CASZ1: variants seen among roughly 807,000 people sequenced by gnomAD.
The protein encoded by CASZ1 is zinc finger protein castor homolog 1.
In CASZ1, 28 loss-of-function variants were observed where a neutral mutation model predicts 135.2. That is an observed-to-expected ratio of 0.21 (90% CI 0.15 to 0.28). The LOEUF (loss-of-function observed/expected upper bound fraction) is 0.28, where lower values mean the gene tolerates loss of function less well. Ranked by LOEUF, CASZ1 falls within the 10% of genes least tolerant of loss-of-function variation. The pLI, the probability that CASZ1 is intolerant of heterozygous loss-of-function variation, is 1.00. For missense variants in CASZ1, 2,161 were observed against 2,453.3 expected (o/e 0.88, Z 2.52); for synonymous variants, 1,068 against 1,073.4 (o/e 0.99, Z 0.10).
At chr1:10,763,465 G>A (rs1640416429) in intron 1 of CASZ1, among the ~76,000 whole-genome samples, 1 of 152,166 alleles carries the variant, frequency 6.6e-6, no homozygotes, top group East Asian at 1.9e-4. Context: ...GGATGGACAA[G>A]AGGCGTGAAA....
chr1:10,661,466 TCA>T (rs377144529), intron 5 of CASZ1: 3 of 148,360 alleles, frequency 2.0e-5, no homozygotes, highest in Non-Finnish European at 4.5e-5. Flanking sequence ...ACATGCATTC[TCA>T]CACACACACA....
chr1:10,655,307 G>C (rs1173932553), intron 9 of CASZ1, among the ~76,000 whole-genome samples: 1 of 152,192 alleles, frequency 6.6e-6, no homozygotes, highest in African/African-American at 2.4e-5. Context: ...TTAAAACAAA[G>C]AATTAAACAA....
At chr1:10,641,332 A>C (rs1642193535) in intron 20 of CASZ1, among the ~76,000 whole-genome samples, 2 of 152,086 alleles carry the variant, frequency 1.3e-5, no homozygotes, top group African/African-American at 4.8e-5. Context: ...GAGGAGGGGG[A>C]GGCTCGGCCC....
At chr1:10,770,398 T>C (rs1640553788) in intron 1 of CASZ1, among the ~76,000 whole-genome samples, 1 of 152,134 alleles carries the variant, frequency 6.6e-6, no homozygotes, top group Non-Finnish European at 1.5e-5. Flanking sequence ...ATTATTTTCT[T>C]TATACTTTTT....
At position 10,755,622 on chromosome 1, in the gene CASZ1, TGCATCTGCTCCGAAG is replaced by T. The variant is rs1640238732; in HGVS notation, c.-77+5064_-77+5078del. Among the ~76,000 whole-genome samples the T allele has an allele frequency of 6.6e-6, 1 of 152,052 alleles. No individual in the cohort carries two copies. The highest frequency in any genetic ancestry group is 1.5e-5 in the Non-Finnish European group (1 of 67,984). On this transcript the variant is annotated intron_variant, in intron 2 of 20. Transcript: ENST00000377022. This position sits in a 1 kb window ranked among gnomAD's most constrained non-coding sequence, Gnocchi z 4.3. ...TGCATGGCGAGATGCGGGGTTTTCCTGCATCTGCTCCGAAGGCAGGGGGTGTGGGGAGAACGGAGG... is the reference window on the plus strand; with the variant it reads ...TGCATGGCGAGATGCGGGGTTTTCCTGCAGGGGGTGTGGGGAGAACGGAGG...
Position 10,639,702 on chromosome 1 carries a change from G to A in CASZ1, c.4520C>T (p.Pro1507Leu), listed in dbSNP as rs1392109597. 5.0e-6 allele frequency: 8 copies of A among 1,595,798 alleles called. No individual in the cohort carries two copies. The highest frequency in any genetic ancestry group is 6.8e-6 in the Non-Finnish European group (8 of 1,172,438). Residue 1507 changes from proline to leucine, a missense_variant, in exon 21 of 21, where the codon CCC becomes CTC. Pro to Leu is a moderately conservative substitution (Grantham distance 98). Coordinates refer to ENST00000377022, the MANE Select transcript of CASZ1 (RefSeq NM_001079843.3). This position sits in a 1 kb window ranked among gnomAD's most constrained non-coding sequence, Gnocchi z 4.0. Reference sequence around the variant, plus strand: ...GAAGTGCGTGCTGGTGCCCGAGAAGGGGCAGTCGGCGAAGTGGCAGCTGAG... The same window carrying A: ...GAAGTGCGTGCTGGTGCCCGAGAAGAGGCAGTCGGCGAAGTGGCAGCTGAG... ...ASLSCHFADC[P>L]FSGTSTHFHC...
intron 4 of CASZ1, among the ~76,000 whole-genome samples, chr1:10,681,031 G>A (rs1490984338): frequency 3.9e-5 from 6 of 152,096 alleles, no homozygotes; most frequent in Admixed American, 2.6e-4. Flanking sequence ...CTCCCAAGTC[G>A]CTGGGATTAC....
Position 10,711,887 on chromosome 1 carries a change from C to G in CASZ1, c.-76-6343G>C. 6.6e-6 allele frequency among the ~76,000 whole-genome samples: 1 copy of G among 152,270 alleles called. No individual in the cohort carries two copies. The highest frequency in any genetic ancestry group is 1.5e-5 in the Non-Finnish European group (1 of 68,004). ...GGAATATCCGGAACAGGCAAATCCACAGAGACAGAAAGCAGTGGTTGCCAG... is the reference window on the plus strand; with the variant it reads ...GGAATATCCGGAACAGGCAAATCCAGAGAGACAGAAAGCAGTGGTTGCCAG... On this transcript the variant is annotated intron_variant, in intron 2 of 20. Transcript: ENST00000377022. The surrounding 1 kb of genome is among the most constrained non-coding windows in gnomAD (Gnocchi z 4.4).
chr1:10,788,451 A>G lies in CASZ1; in HGVS notation c.-234+8113T>C, dbSNP rs1434141964. On this transcript the variant is annotated intron_variant, in intron 1 of 20. Coordinates refer to ENST00000377022, the MANE Select transcript of CASZ1 (RefSeq NM_001079843.3). This position sits in a 1 kb window ranked among gnomAD's most constrained non-coding sequence, Gnocchi z 4.1. ...GCAGGGGGCCCTAGAGGGTCCTTAG[A>G]CTGCATTTATAAGATCTGCGAAACC... 6.6e-6 allele frequency among the ~76,000 whole-genome samples: 1 copy of G among 152,094 alleles called. No individual in the cohort carries two copies. The highest frequency in any genetic ancestry group is 1.9e-4 in the East Asian group (1 of 5,186).
intron 1 of CASZ1, among the ~76,000 whole-genome samples, chr1:10,787,437 C>T (rs1002530087): frequency 4.6e-5 from 7 of 152,230 alleles, no homozygotes; most frequent in Non-Finnish European, 8.8e-5. Flanking sequence ...CCGAAATTCC[C>T]GAAGGAGCTG....
At chr1:10,688,236 C>T (rs1247130411) in intron 4 of CASZ1, among the ~76,000 whole-genome samples, 2 of 152,162 alleles carry the variant, frequency 1.3e-5, no homozygotes, top group African/African-American at 2.4e-5. Context: ...CAGGTCTACC[C>T]GGAGCCCCAG....
At chr1:10,689,745 T>C (rs1043558752) in intron 4 of CASZ1, among the ~76,000 whole-genome samples, 7 of 152,182 alleles carry the variant, frequency 4.6e-5, no homozygotes, top group Admixed American at 3.9e-4. Context: ...CCAAATAATG[T>C]GCTCCTCACC....
chr1:10,672,477 C>T (rs577325975), intron 4 of CASZ1, among the ~76,000 whole-genome samples: 246 of 151,548 alleles, frequency 1.6e-3, no homozygotes, highest in African/African-American at 5.4e-3. Context: ...TCCAGCCCTC[C>T]GCCCGCCGGC....
intron 1 of CASZ1, among the ~76,000 whole-genome samples, chr1:10,795,647 C>T (rs1263583234): frequency 6.6e-6 from 1 of 152,240 alleles, no homozygotes; most frequent in South Asian, 2.1e-4. Flanking sequence ...AGCCGGGCAG[C>T]TCTGGGCCGA....
In CASZ1 at chr1:10,653,890, C is replaced by G; in HGVS notation, c.2167G>C (p.Asp723His). 5.0e-6 allele frequency: 8 copies of G among 1,613,392 alleles called. No individual in the cohort carries two copies. Among genetic ancestry groups the G allele is most frequent in the Non-Finnish European group, 6.8e-6 (8 of 1,179,642 alleles). ...AGGGCGGAGAAGTCAACAAGGTCGT[C>G]GTTGCTGGACTCCTCGTGCTCCGTG... is the stretch of plus-strand genomic sequence containing the variant. Reference protein sequence around the residue: ...KDTEHEESSNDDLVDFSALSS... With the variant: ...KDTEHEESSNHDLVDFSALSS... Residue 723 changes from aspartate to histidine, a missense_variant, in exon 11 of 21, where the codon GAC (aspartate) becomes CAC (histidine). Physicochemically the swap from Asp to His is moderately conservative, Grantham distance 81 (BLOSUM62 -1). Coordinates refer to ENST00000377022, the MANE Select transcript of CASZ1 (RefSeq NM_001079843.3).
intron 2 of CASZ1, among the ~76,000 whole-genome samples, chr1:10,745,222 G>C (rs1640016953): frequency 6.6e-6 from 1 of 152,044 alleles, no homozygotes; most frequent in Non-Finnish European, 1.5e-5. Flanking sequence ...CCTCACCTCT[G>C]ACTCACATGA....
Position 10,636,848 on chromosome 1 carries a change from CTCTATATA to C in CASZ1, c.*2086_*2093del, listed in dbSNP as rs1171707587. The C allele has an allele frequency of 2.0e-5, 3 of 151,814 alleles. No homozygotes were observed. The highest frequency in any genetic ancestry group is 7.3e-5 in the African/African-American group (3 of 41,276). 9.4% of individuals were successfully genotyped at this position (151,814 alleles called of 1,614,324 possible). A position where few individuals can be genotyped will look rare whatever the true frequency, so the allele number is the denominator to read the frequency against. ...TTTGTCTCAAAACCTCTCTATATATCTCTATATATCTATATATGTATATACATATAGAT... is the reference window on the plus strand; with the variant it reads ...TTTGTCTCAAAACCTCTCTATATATCTCTATATATGTATATACATATAGAT... On this transcript the variant is annotated 3_prime_UTR_variant, in exon 21 of 21. Coordinates refer to ENST00000377022, the MANE Select transcript of CASZ1 (RefSeq NM_001079843.3).
At chr1:10,770,919 A>G (rs1446739609) in intron 1 of CASZ1, among the ~76,000 whole-genome samples, 1 of 152,224 alleles carries the variant, frequency 6.6e-6, no homozygotes. Context: ...CAGCAACCCA[A>G]GCCCCAGTCC....
intron 4 of CASZ1, among the ~76,000 whole-genome samples, chr1:10,693,389 TAACC>T (rs1265791450): frequency 6.8e-6 from 1 of 148,078 alleles, no homozygotes; most frequent in Non-Finnish European, 1.5e-5. Flanking sequence ...GAAACCAGAC[TAACC>T]ACCTTTCCCA....
Sources: gnomAD v4.1 joint callset for allele counts (sites outside exome capture counted in the v4.1 genomes callset) on GRCh38, gnomAD v4.1.1 for gene constraint, Gnocchi (gnomAD v3.1) non-coding constraint, MANE v1.5 for transcripts, NCBI Gene and HGNC (gene_info 2026-07-23, HGNC 2026-07-21) for gene names.